The following FEZ2 variants were observed in gnomAD, a reference collection of about 807,000 sequenced individuals.
FEZ2 encodes fasciculation and elongation protein zeta 2, also known as fasciculation and elongation protein zeta-2.
Under a neutral mutation model 40.4 loss-of-function variants are expected in FEZ2, and 51 were observed. That is an observed-to-expected ratio of 1.26 (90% CI 1.01 to 1.59). The LOEUF (loss-of-function observed/expected upper bound fraction) is 1.59. FEZ2 is among the 40% of genes most tolerant of loss of function. FEZ2 has a pLI of 0.00. For synonymous variants in FEZ2, 242 were observed against 172.0 expected (o/e 1.41, Z -3.18); for missense variants, 640 against 438.3 (o/e 1.46, Z -4.11).
Position 36,597,754 on chromosome 2 carries a change from G to A in FEZ2, c.266+123C>T, listed in dbSNP as rs1327034897. On this transcript the variant is annotated intron_variant, in intron 1 of 7. Transcript: ENST00000405912. The stretch of plus-strand genomic sequence containing the variant: ...CGACGGCCGGAGGAAGGAGGCGAGA[G>A]GGCGGGGACTCCCGCGTCCGGGCGG... 5.8e-6 allele frequency: 4 copies of A among 685,028 alleles called. No homozygotes were observed. The Admixed American group carries it at 1.3e-4, about 22-fold the overall frequency. 42.4% of individuals were successfully genotyped at this position (685,028 alleles called of 1,614,324 possible). A position where few individuals can be genotyped will look rare whatever the true frequency, so the allele number is the denominator to read the frequency against.
At chr2:36,564,054 T>C (rs576976275) in intron 5 of FEZ2, among the ~76,000 whole-genome samples, 5 of 152,308 alleles carry the variant, frequency 3.3e-5, no homozygotes, top group East Asian at 3.9e-4. Flanking sequence ...TACCAATCAA[T>C]AGCTTCATCT....
Position 36,590,934 on chromosome 2 carries a change from T to A in FEZ2, c.344A>T (p.His115Leu). ...DWKSSHTRTLHLLTLNLSEKG... is the reference protein window; with the variant it reads ...DWKSSHTRTLLLLTLNLSEKG... Reference sequence around the variant, plus strand: ...TTCTGAGAGGTTCAGAGTAAGCAAGTGCAAGGTCCTAGTATGCGATGACTT... The same window carrying A: ...TTCTGAGAGGTTCAGAGTAAGCAAGAGCAAGGTCCTAGTATGCGATGACTT... Residue 115 changes from histidine (H) to leucine (L), a missense_variant, in exon 2 of 8, where the codon CAC (histidine) becomes CTC (leucine). Transcript: ENST00000405912. 1 of 1,611,478 alleles carries A rather than the reference T, an allele frequency of 6.2e-7. No individual in the cohort carries two copies. The highest frequency in any genetic ancestry group is 8.5e-7 in the Non-Finnish European group (1 of 1,177,522).
intron 1 of FEZ2, 42 bp downstream of exon 1, chr2:36,597,835 G>A (rs911181010): frequency 5.2e-5 from 69 of 1,316,128 alleles, no homozygotes; most frequent in Non-Finnish European, 6.4e-5. Context: ...GCGAGGGGTA[G>A]GGGAGGCTCC....
chr2:36,574,806 C>A (rs566416548), intron 5 of FEZ2, among the ~76,000 whole-genome samples: 1 of 152,188 alleles, frequency 6.6e-6, no homozygotes, highest in East Asian at 1.9e-4. Context: ...TGCCCTTTAA[C>A]CACTCTCTAA....
At chr2:36,572,775 G>A (rs1358299862) in intron 5 of FEZ2, among the ~76,000 whole-genome samples, 1 of 152,150 alleles carries the variant, frequency 6.6e-6, no homozygotes, top group Admixed American at 6.5e-5. Flanking sequence ...AAAAAGCCAG[G>A]TCCATGTTGT....
intron 5 of FEZ2, among the ~76,000 whole-genome samples, chr2:36,563,546 T>C (rs1668149629): frequency 1.3e-5 from 2 of 151,412 alleles, no homozygotes; most frequent in East Asian, 1.9e-4. Context: ...AACTAAAATC[T>C]ACGTCTGAGA....
intron 5 of FEZ2, among the ~76,000 whole-genome samples, chr2:36,562,804 TTTA>T (rs1668127304): frequency 6.6e-6 from 1 of 152,226 alleles, no homozygotes; most frequent in African/African-American, 2.4e-5. Context: ...ACCAAGTCAG[TTTA>T]TTTTTTAAAT....
At chr2:36,564,170 A>G (rs964255616) in intron 5 of FEZ2, among the ~76,000 whole-genome samples, 1 of 152,162 alleles carries the variant, frequency 6.6e-6, no homozygotes, top group African/African-American at 2.4e-5. Flanking sequence ...TCTTTACTGT[A>G]ATTTCCCTGA....
chr2:36,576,953 T>A (rs141345323), intron 5 of FEZ2, among the ~76,000 whole-genome samples: 1 of 152,162 alleles, frequency 6.6e-6, no homozygotes, highest in African/African-American at 2.4e-5. Flanking sequence ...TAAAAGCAAA[T>A]AGGCAGAAAT....
At chr2:36,570,496 G>C (rs1366664839) in intron 5 of FEZ2, among the ~76,000 whole-genome samples, 1 of 152,070 alleles carries the variant, frequency 6.6e-6, no homozygotes, top group Non-Finnish European at 1.5e-5. Context: ...TATAATAATT[G>C]ATCTTGGCAA....
chr2:36,554,111 A>G, intron 7 of FEZ2: 1 of 416,462 alleles, frequency 2.4e-6, no homozygotes, highest in Middle Eastern at 4.3e-4. Flanking sequence ...CAAAACCACA[A>G]CACATGCACA....
At chr2:36,586,476 A>C (rs1668902082) in intron 2 of FEZ2, among the ~76,000 whole-genome samples, 1 of 152,016 alleles carries the variant, frequency 6.6e-6, no homozygotes, top group African/African-American at 2.4e-5. Flanking sequence ...TGCTACAAAA[A>C]ATTAGCCAGG....
chr2:36,593,995 C>T (rs1372847974), intron 1 of FEZ2, among the ~76,000 whole-genome samples: 2 of 151,992 alleles, frequency 1.3e-5, no homozygotes, highest in Non-Finnish European at 2.9e-5. Context: ...TACCCTAACT[C>T]ATCTCCCTCA....
chr2:36,569,603 T>G (rs1004036840), intron 5 of FEZ2, among the ~76,000 whole-genome samples: 1 of 152,240 alleles, frequency 6.6e-6, no homozygotes, highest in African/African-American at 2.4e-5. Context: ...AGTTTGTTAG[T>G]TCTTCTGTGG....
At chr2:36,581,202 G>C in intron 4 of FEZ2, 88 bp downstream of exon 4, 1 of 1,205,334 alleles carries the variant, frequency 8.3e-7, no homozygotes, top group South Asian at 1.4e-5. Context: ...GAAGGAGGAT[G>C]AAATCAAAGC....
In FEZ2 at chr2:36,552,658, G is replaced by C. The variant is rs1667844703; in HGVS notation, c.*505C>G. 5.1e-6 allele frequency: 1 copy of C among 196,868 alleles called. No individual in the cohort carries two copies. Among genetic ancestry groups the C allele is most frequent in the Admixed American group, 5.4e-5 (1 of 18,474 alleles). 12.2% of individuals were successfully genotyped at this position (196,868 alleles called of 1,614,324 possible). On this transcript the variant is annotated 3_prime_UTR_variant, in exon 8 of 8. Coordinates refer to ENST00000405912, the MANE Select transcript of FEZ2 (RefSeq NM_005102.3). ...ATTAAACCAAAGTAATGCATATTCT[G>C]GTTTTGCTTCTTCAAGAACAGCCCG...
chr2:36,581,349 G>T lies in FEZ2; in HGVS notation c.575C>A (p.Ser192Ter), dbSNP rs1202878062. The T allele has an allele frequency of 1.2e-6, 2 of 1,613,594 alleles. No individual in the cohort carries two copies. The highest frequency in any genetic ancestry group is 1.7e-6 in the Non-Finnish European group (2 of 1,179,670). ...AGTTTGAATTTCCTGGGAAAGCATTGAAAGCCGATCTGACTGTGTAGGGGT... is the reference window on the plus strand; with the variant it reads ...AGTTTGAATTTCCTGGGAAAGCATTTAAAGCCGATCTGACTGTGTAGGGGT... ...DETPTQSDRL[S>*]MLSQEIQTLK... is the part of the protein sequence containing the mutation. Residue 192 changes from serine to a stop codon, truncating the protein, a stop_gained, in exon 4 of 8, where the codon TCA becomes TAA. Transcript: ENST00000405912. LOFTEE classifies it high-confidence loss of function.
At chr2:36,559,711 G>A (rs572511738) in intron 5 of FEZ2, among the ~76,000 whole-genome samples, 2 of 152,356 alleles carry the variant, frequency 1.3e-5, no homozygotes, top group East Asian at 3.9e-4. Flanking sequence ...GCAACCTGGA[G>A]AGGCACCAGG....
At chr2:36,564,657 A>T (rs1668182560) in intron 5 of FEZ2, among the ~76,000 whole-genome samples, 1 of 152,146 alleles carries the variant, frequency 6.6e-6, no homozygotes, top group African/African-American at 2.4e-5. Context: ...TGAGGAGATG[A>T]CATCTGAGCT....
Sources: gnomAD v4.1 joint callset for allele counts (sites outside exome capture counted in the v4.1 genomes callset) on GRCh38, gnomAD v4.1.1 for gene constraint, MANE v1.5 for transcripts, NCBI Gene and HGNC (gene_info 2026-07-23, HGNC 2026-07-21) for gene names.